The following NRG1 variants were observed in gnomAD, a reference collection of about 807,000 sequenced individuals.
NRG1 encodes the protein neuregulin 1.
NRG1 carries 18 observed loss-of-function variants against 63.8 expected under a neutral mutation model. That is an observed-to-expected ratio of 0.28 (90% confidence interval 0.19 to 0.42). The LOEUF (loss-of-function observed/expected upper bound fraction) is 0.42. Ranked by LOEUF, NRG1 falls within the 10% of genes least tolerant of loss-of-function variation. NRG1 has a pLI of 1.00. For synonymous variants in NRG1, 302 were observed against 301.3 expected (o/e 1.00, Z -0.02); for missense variants, 762 against 814.7 (o/e 0.94, Z 0.79).
intron 1 of NRG1, among the ~76,000 whole-genome samples, chr8:32,174,202 A>G (rs1383606184): frequency 6.6e-6 from 1 of 152,230 alleles, no homozygotes; most frequent in Non-Finnish European, 1.5e-5. Context: ...AAAACCGCTC[A>G]ACTACAAGGA....
intron 1 of NRG1, among the ~76,000 whole-genome samples, chr8:31,995,399 T>C (rs185165274): frequency 1.4e-3 from 205 of 151,824 alleles, no homozygotes; most frequent in African/African-American, 4.9e-3. Context: ...TCCTGCAGAG[T>C]TTTTCACTAA....
chr8:32,182,800 A>G (rs909858144), intron 1 of NRG1, among the ~76,000 whole-genome samples: 1 of 152,212 alleles, frequency 6.6e-6, no homozygotes, highest in African/African-American at 2.4e-5. Flanking sequence ...TGAAAAAAAA[A>G]TCTCCTATGC....
At chr8:32,320,345 T>A (rs1051107393) in intron 1 of NRG1, among the ~76,000 whole-genome samples, 1 of 152,274 alleles carries the variant, frequency 6.6e-6, no homozygotes, top group African/African-American at 2.4e-5. Context: ...TAATTTTTGT[T>A]TAGAAGTTAG....
chr8:31,850,668 T>C lies in NRG1; in HGVS notation c.37+211237T>C, dbSNP rs530919192. On this transcript the variant is annotated intron_variant, in intron 1 of 10. Transcript: ENST00000519301. ...AGCTGTATAGGGATTTAGTTCAGTG[T>C]TTCCTCCTTCATTGTCATTGGACAA... 3.9e-5 allele frequency among the ~76,000 whole-genome samples: 6 copies of C among 152,314 alleles called. No individual in the cohort carries two copies. In the South Asian group the frequency reaches 1.0e-3, roughly 26 times the overall value.
chr8:31,971,112 T>TA (rs199674099), intron 1 of NRG1, among the ~76,000 whole-genome samples: 1 of 151,738 alleles, frequency 6.6e-6, no homozygotes, highest in Non-Finnish European at 1.5e-5. Context: ...ATATGTTGCT[T>TA]TTTTTTTTTC....
Position 32,507,402 on chromosome 8 carries a change from T to C in NRG1, c.38-88426T>C, listed in dbSNP as rs561522666. 3.3e-5 allele frequency among the ~76,000 whole-genome samples: 5 copies of C among 152,260 alleles called. No homozygotes were observed. In the South Asian group the frequency reaches 8.3e-4, roughly 25 times the overall value. On this transcript the variant is annotated intron_variant, in intron 1 of 10. Coordinates refer to the NRG1 transcript ENST00000519301. The stretch of plus-strand genomic sequence containing the variant: ...AGTTTGAAGCCAGTCTGTGAATCCA[T>C]TGAATGGAACACTTCACAGTTTAGT...
At chr8:31,914,129 C>G (rs889244246) in intron 1 of NRG1, among the ~76,000 whole-genome samples, 10 of 152,174 alleles carry the variant, frequency 6.6e-5, no homozygotes, top group African/African-American at 2.2e-4. Flanking sequence ...TTAAAGAGAT[C>G]GTCCTTCTTA....
At chr8:31,770,720 A>G (rs1046618225) in intron 1 of NRG1, among the ~76,000 whole-genome samples, 69 of 151,154 alleles carry the variant, frequency 4.6e-4, no homozygotes, top group African/African-American at 1.7e-3. Flanking sequence ...TACATATGTA[A>G]CAAACCTACA....
At position 31,640,626 on chromosome 8, in the gene NRG1, C is replaced by G. The variant is rs761883632; in HGVS notation, c.37+1195C>G. 1 of 1,610,634 alleles carries G rather than the reference C, an allele frequency of 6.2e-7. No individual in the cohort carries two copies. Among genetic ancestry groups the G allele is most frequent in the Admixed American group, 1.7e-5 (1 of 59,922 alleles). ...TCTTCTTCATGGAGCCCGACGCCAA[C>G]AGCACCAGCCGCGCGCCGGCCGCCT... On this transcript the variant is annotated intron_variant, in intron 1 of 10. Coordinates refer to the NRG1 transcript ENST00000519301. This position sits in a 1 kb window ranked among gnomAD's most constrained non-coding sequence, Gnocchi z 6.3.
intron 5 of NRG1, among the ~76,000 whole-genome samples, chr8:32,640,251 A>G (rs1588906667): frequency 1.3e-5 from 2 of 150,688 alleles, no homozygotes; most frequent in Middle Eastern, 6.8e-3. Flanking sequence ...TTTGTCACAC[A>G]CACACACACA....
At chr8:32,515,877 G>C (rs921356888) in intron 1 of NRG1, among the ~76,000 whole-genome samples, 3 of 152,134 alleles carry the variant, frequency 2.0e-5, no homozygotes, top group Non-Finnish European at 4.4e-5. Context: ...TGTGTACTCT[G>C]TCAATTGTTT....
At chr8:32,220,474 G>A (rs1308251700) in intron 1 of NRG1, among the ~76,000 whole-genome samples, 1 of 152,082 alleles carries the variant, frequency 6.6e-6, no homozygotes, top group African/African-American at 2.4e-5. Context: ...GGGGCTCAAG[G>A]AGGTTTAATA....
chr8:31,938,974 G>C lies in NRG1; in HGVS notation c.37+299543G>C, dbSNP rs55884800. Among the ~76,000 whole-genome samples the C allele has an allele frequency of 6.9e-3, 1,045 of 152,258 alleles. 10 individuals carry two copies. The highest frequency in any genetic ancestry group is 0.024 in the African/African-American group (1,004 of 41,558). ...CCCGAGGAAGAAGAGAAATCTAAAA[G>C]TTTGGAAAGCATATTTGAGGGAATA... On this transcript the variant is annotated intron_variant, in intron 1 of 10. Coordinates refer to the NRG1 transcript ENST00000519301.
chr8:32,037,013 C>T (rs967298744), intron 1 of NRG1, among the ~76,000 whole-genome samples: 2 of 152,210 alleles, frequency 1.3e-5, no homozygotes, highest in Non-Finnish European at 2.9e-5. Context: ...AGAAGAGGCA[C>T]TCTGGCTTTT....
intron 1 of NRG1, among the ~76,000 whole-genome samples, chr8:32,169,261 C>T (rs1423996989): frequency 2.0e-5 from 3 of 152,060 alleles, no homozygotes; most frequent in African/African-American, 7.2e-5. Context: ...TGTCCATAGG[C>T]CTGGTTGGGT....
chr8:32,116,563 A>T (rs968983425), intron 1 of NRG1, among the ~76,000 whole-genome samples: 2 of 152,150 alleles, frequency 1.3e-5, no homozygotes, highest in Non-Finnish European at 2.9e-5. Context: ...AAGTGGTTTA[A>T]TTGGCTCACC....
intron 1 of NRG1, among the ~76,000 whole-genome samples, chr8:32,031,310 T>A (rs1455829019): frequency 1.3e-5 from 2 of 152,220 alleles, no homozygotes; most frequent in Non-Finnish European, 2.9e-5. Context: ...TTCCCATTCT[T>A]TAGTTTTTGA....
chr8:31,954,847 C>A (rs150749358), intron 1 of NRG1, among the ~76,000 whole-genome samples: 3 of 152,080 alleles, frequency 2.0e-5, no homozygotes, highest in Non-Finnish European at 2.9e-5. Flanking sequence ...GGTCTCTAGG[C>A]GTTCTAATTA....
At chr8:31,909,901 C>T (rs1043062934) in intron 1 of NRG1, among the ~76,000 whole-genome samples, 1 of 152,204 alleles carries the variant, frequency 6.6e-6, no homozygotes, top group Non-Finnish European at 1.5e-5. Context: ...ACCTAATCCA[C>T]TCTAGCCACT....
Sources: allele counts gnomAD v4.1 joint callset (sites outside exome capture counted in the v4.1 genomes callset), GRCh38; gene constraint gnomAD v4.1.1; non-coding constraint Gnocchi (gnomAD v3.1); transcripts MANE v1.5; gene names NCBI Gene and HGNC (gene_info 2026-07-23, HGNC 2026-07-21).